FIGN: variants seen among roughly 807,000 people sequenced by gnomAD.
The protein encoded by FIGN is fidgetin.
In FIGN, 11 loss-of-function variants were observed where a neutral mutation model predicts 51.3. The observed-to-expected ratio is 0.21, with a 90% confidence interval of 0.13 to 0.35. FIGN has a LOEUF of 0.35. Ranked by LOEUF, FIGN falls within the 10% of genes least tolerant of loss-of-function variation. The pLI is 1.00. For synonymous variants in FIGN, 407 were observed against 363.2 expected (o/e 1.12, Z -1.37); for missense variants, 857 against 943.6 (o/e 0.91, Z 1.20).
At position 163,609,801 on chromosome 2, in the gene FIGN, C is replaced by T. The variant is rs762179951; in HGVS notation, c.2031G>A (p.Glu677=). The change falls in exon 3 of 3, where the codon GAG becomes GAA. Residue 677 remains glutamate, a synonymous_variant. Coordinates refer to ENST00000333129, the MANE Select transcript of FIGN (RefSeq NM_018086.4). ...CTGTGCGCTGGACGAGCAGTGCAAA[C>T]TCCTTGTCATTGAGACAGTAATTGT... ...SQHNYCLNDK[E]FALLVQRTEG... 1 of 1,614,126 alleles carries T rather than the reference C, an allele frequency of 6.2e-7. No individual in the cohort carries two copies. Among genetic ancestry groups the T allele is most frequent in the Non-Finnish European group, 8.5e-7 (1 of 1,180,030 alleles).
At chr2:163,713,918 T>C (rs141328471) in intron 2 of FIGN, among the ~76,000 whole-genome samples, 37 of 152,324 alleles carry the variant, frequency 2.4e-4, no homozygotes, top group African/African-American at 8.7e-4. Flanking sequence ...GATTGTGCCA[T>C]GCAAGAGCTC....
chr2:163,669,129 T>A (rs1683835362), intron 2 of FIGN, among the ~76,000 whole-genome samples: 1 of 151,772 alleles, frequency 6.6e-6, no homozygotes, highest in Non-Finnish European at 1.5e-5. Flanking sequence ...TTTTCTCAAC[T>A]GAAAAAAAGT....
intron 2 of FIGN, among the ~76,000 whole-genome samples, chr2:163,616,843 C>T (rs780864149): frequency 6.6e-5 from 10 of 152,046 alleles, no homozygotes; most frequent in Non-Finnish European, 1.0e-4. Flanking sequence ...TTGGAAATGG[C>T]AGAACTAACA....
chr2:163,708,420 A>C (rs542318264), intron 2 of FIGN, among the ~76,000 whole-genome samples: 1 of 152,302 alleles, frequency 6.6e-6, no homozygotes, highest in East Asian at 1.9e-4. Context: ...ATTGACAAGC[A>C]CTAACGGAGG....
intron 2 of FIGN, among the ~76,000 whole-genome samples, chr2:163,720,031 A>G (rs1684729804): frequency 6.6e-6 from 1 of 152,152 alleles, no homozygotes; most frequent in African/African-American, 2.4e-5. Context: ...GGGAAATAGG[A>G]GCCATTTGTG....
chr2:163,679,487 C>T (rs964399910), intron 2 of FIGN, among the ~76,000 whole-genome samples: 5 of 136,290 alleles, frequency 3.7e-5, no homozygotes, highest in Non-Finnish European at 6.2e-5. Context: ...CACTGCGAGA[C>T]TCCGTCTCAA....
At chr2:163,718,137 C>G (rs1684698782) in intron 2 of FIGN, among the ~76,000 whole-genome samples, 1 of 152,092 alleles carries the variant, frequency 6.6e-6, no homozygotes, top group Non-Finnish European at 1.5e-5. Context: ...AGTATAGCGA[C>G]AGACAGCTGC....
chr2:163,716,437 C>T (rs1684669108), intron 2 of FIGN, among the ~76,000 whole-genome samples: 1 of 152,098 alleles, frequency 6.6e-6, no homozygotes, highest in East Asian at 1.9e-4. Flanking sequence ...GATTATAAAA[C>T]ATTTACTAGC....
chr2:163,693,111 A>G (rs1684263232), intron 2 of FIGN, among the ~76,000 whole-genome samples: 1 of 152,168 alleles, frequency 6.6e-6, no homozygotes, highest in Non-Finnish European at 1.5e-5. Context: ...CTGGTCACCA[A>G]CCACCTGAAA....
Position 163,609,935 on chromosome 2 carries a change from G to T in FIGN, c.1897C>A (p.Pro633Thr), listed in dbSNP as rs1573897989. The T allele has an allele frequency of 6.2e-7, 1 of 1,613,916 alleles. No individual in the cohort carries two copies. Among genetic ancestry groups the T allele is most frequent in the Middle Eastern group, 1.6e-4 (1 of 6,062 alleles). ...CGAAGGGATTCATCTATTTCTTCTG[G>T]TTTACTGGTGGCACAAATTACTACG... Reference protein sequence around the residue: ...QIVVICATSKPEEIDESLRRY... With the variant: ...QIVVICATSKTEEIDESLRRY... The change falls in exon 3 of 3, where the codon CCA (proline) becomes ACA (threonine). Residue 633 changes from proline (P) to threonine (T), a missense_variant. Around this residue, in one of 3 missense-constraint regions of FIGN, gnomAD observed 799 missense variants for 849.5 expected, o/e 0.94. Coordinates refer to ENST00000333129, the MANE Select transcript of FIGN (RefSeq NM_018086.4).
Position 163,630,897 on chromosome 2 carries a change from T to A in FIGN, c.26-19091A>T, listed in dbSNP as rs554040697. 7.9e-5 allele frequency among the ~76,000 whole-genome samples: 12 copies of A among 152,336 alleles called. No homozygotes were observed. In the South Asian group the frequency reaches 2.3e-3, roughly 29 times the overall value. On this transcript the variant is annotated intron_variant, in intron 2 of 2. Coordinates refer to ENST00000333129, the MANE Select transcript of FIGN (RefSeq NM_018086.4). ...TATTTACAATATTAAACAGGTTTCG[T>A]CTTCATCATACTCCTCTCAGCCCTA...
intron 2 of FIGN, among the ~76,000 whole-genome samples, chr2:163,715,221 A>G (rs1178715534): frequency 6.6e-6 from 1 of 152,124 alleles, no homozygotes; most frequent in African/African-American, 2.4e-5. Context: ...AAAATGTACA[A>G]CTCGGCTCAC....
intron 2 of FIGN, among the ~76,000 whole-genome samples, chr2:163,722,962 G>A (rs1460412457): frequency 1.3e-5 from 2 of 151,768 alleles, no homozygotes; most frequent in Non-Finnish European, 1.5e-5. Flanking sequence ...AGAGGCGGGC[G>A]GATCATGAGG....
intron 2 of FIGN, among the ~76,000 whole-genome samples, chr2:163,655,303 G>C (rs1204949240): frequency 6.6e-6 from 1 of 152,126 alleles, no homozygotes; most frequent in African/African-American, 2.4e-5. Flanking sequence ...CAGAGTTATA[G>C]AGAACAATTT....
In FIGN at chr2:163,607,352, A is replaced by G. The variant is rs899169109; in HGVS notation, c.*2200T>C. 1 of 152,224 alleles carries G rather than the reference A, an allele frequency of 6.6e-6. No individual in the cohort carries two copies. The highest frequency in any genetic ancestry group is 1.5e-5 in the Non-Finnish European group (1 of 68,044). The allele number at this position is 152,224 out of a possible 1,614,324, so 9.4% of individuals were successfully genotyped here. On this transcript the variant is annotated 3_prime_UTR_variant, in exon 3 of 3. Coordinates refer to ENST00000333129, the MANE Select transcript of FIGN (RefSeq NM_018086.4). ...ATTTTTTGTATCCTTAATGAAAGGC[A>G]CTGCTTTTTAATATGGAATATTTAT...
intron 2 of FIGN, among the ~76,000 whole-genome samples, chr2:163,641,640 A>C (rs1379314646): frequency 1.3e-5 from 2 of 152,252 alleles, no homozygotes; most frequent in Admixed American, 1.3e-4. Flanking sequence ...ATACTCCTTC[A>C]GAGGCAAATG....
chr2:163,686,376 C>T (rs1175562917), intron 2 of FIGN, among the ~76,000 whole-genome samples: 3 of 152,072 alleles, frequency 2.0e-5, no homozygotes, highest in African/African-American at 7.2e-5. Flanking sequence ...CTTAATGTGG[C>T]GAAAAGCTTT....
chr2:163,618,732 A>T (rs1682919120), intron 2 of FIGN, among the ~76,000 whole-genome samples: 1 of 151,982 alleles, frequency 6.6e-6, no homozygotes, highest in Admixed American at 6.6e-5. Context: ...GGCATATCCT[A>T]CCCTTTCCAC....
rs967388917 is a variant in FIGN, at chr2:163,606,183, C to T, written c.*3369G>A. 1.5e-4 allele frequency: 23 copies of T among 152,212 alleles called. No individual in the cohort carries two copies. Among genetic ancestry groups the T allele is most frequent in the African/African-American group, 4.6e-4 (19 of 41,540 alleles). The allele number at this position is 152,212 out of a possible 1,614,324, so 9.4% of individuals were successfully genotyped here. On this transcript the variant is annotated 3_prime_UTR_variant, in exon 3 of 3. Coordinates refer to ENST00000333129, the MANE Select transcript of FIGN (RefSeq NM_018086.4). ...AAGTAAATAGCCTTAAAGTATACTG[C>T]CTTCACATTCCATTGATCAGCTCAG...
Sources: allele counts gnomAD v4.1 joint callset (sites outside exome capture counted in the v4.1 genomes callset), GRCh38; gene constraint gnomAD v4.1.1; regional missense constraint gnomAD v4.1.1; transcripts MANE v1.5; gene names NCBI Gene and HGNC (gene_info 2026-07-23, HGNC 2026-07-21).